Variants in LDLRAD3 observed in about 807,000 individuals in gnomAD.
The protein encoded by LDLRAD3 is low-density lipoprotein receptor class A domain-containing protein 3.
Under a neutral mutation model 29.4 loss-of-function variants are expected in LDLRAD3, and 20 were observed. The ratio of observed to expected loss-of-function variants is 0.68; its 90% CI spans 0.48 to 0.99. The LOEUF (loss-of-function observed/expected upper bound fraction) is 0.99, where lower values mean the gene tolerates loss of function less well. Ranked by LOEUF, LDLRAD3 falls within the 50% of genes least tolerant of loss-of-function variation. The probability of loss-of-function intolerance (pLI) is 0.00; values close to 1 mark genes in which losing one functional copy is unlikely to be tolerated. For synonymous variants in LDLRAD3, 157 were observed against 192.7 expected (o/e 0.81, Z 1.53); for missense variants, 420 against 454.3 (o/e 0.92, Z 0.69).
intron 2 of LDLRAD3, among the ~76,000 whole-genome samples, chr11:36,076,504 G>T (rs1045295352): frequency 6.6e-6 from 1 of 151,976 alleles, no homozygotes; most frequent in African/African-American, 2.4e-5. Flanking sequence ...CTCTGCCTCA[G>T]CCTCCTGAGT....
intron 5 of LDLRAD3, among the ~76,000 whole-genome samples, chr11:36,228,237 C>T (rs922321885): frequency 6.6e-6 from 1 of 152,180 alleles, no homozygotes; most frequent in African/African-American, 2.4e-5. Flanking sequence ...ATTGAATCTT[C>T]GTTTTCCTTC....
Position 36,227,308 on chromosome 11 carries a change from C to A in LDLRAD3, c.678C>A (p.Pro226=), listed in dbSNP as rs1224201151. Residue 226 remains proline (P), a synonymous_variant, in exon 5 of 6, where the codon CCC becomes CCA. Coordinates refer to ENST00000315571, the MANE Select transcript of LDLRAD3 (RefSeq NM_174902.4). ...CCCGCCTGGTGGTCCTGGACCACCC[C>A]CACCACTGCAACGTCACCTACAACG... ...LLSRLVVLDH[P]HHCNVTYNVN... is the part of the protein sequence containing the mutation. 1 of 1,613,918 alleles carries A rather than the reference C, an allele frequency of 6.2e-7. No homozygotes were observed. The highest frequency in any genetic ancestry group is 8.5e-7 in the Non-Finnish European group (1 of 1,179,922).
At chr11:36,035,066 C>G (rs1305481082) in intron 1 of LDLRAD3, among the ~76,000 whole-genome samples, 1 of 152,156 alleles carries the variant, frequency 6.6e-6, no homozygotes, top group Admixed American at 6.5e-5. Flanking sequence ...TAGCCTTTAT[C>G]TCTGCATCTT....
chr11:36,000,619 A>T (rs1851811707), intron 1 of LDLRAD3, among the ~76,000 whole-genome samples: 2 of 152,164 alleles, frequency 1.3e-5, no homozygotes. Flanking sequence ...GTTAAACGGT[A>T]TGTCTAGAGA....
intron 4 of LDLRAD3, among the ~76,000 whole-genome samples, chr11:36,204,703 G>A: frequency 6.6e-6 from 1 of 152,130 alleles, no homozygotes; most frequent in African/African-American, 2.4e-5. Context: ...TGGCCAGGCT[G>A]GTCTTGAACT....
chr11:36,207,101 A>T (rs1855221661), intron 4 of LDLRAD3, among the ~76,000 whole-genome samples: 1 of 151,992 alleles, frequency 6.6e-6, no homozygotes, highest in Non-Finnish European at 1.5e-5. Flanking sequence ...GTCTGCTGGA[A>T]CTGTGGTCTC....
intron 1 of LDLRAD3, 68 bp from the exon 2 acceptor site, chr11:36,036,035 T>G (rs1852299187): frequency 6.5e-7 from 1 of 1,528,232 alleles, no homozygotes; most frequent in African/African-American, 1.4e-5. Flanking sequence ...ACCACACACC[T>G]TTCAGTTGAG....
chr11:36,002,964 C>G (rs1851842231), intron 1 of LDLRAD3, among the ~76,000 whole-genome samples: 1 of 152,222 alleles, frequency 6.6e-6, no homozygotes, highest in Non-Finnish European at 1.5e-5. Context: ...AGTAACCTTG[C>G]ATGTGTTATT....
chr11:36,205,715 G>A (rs1255394829), intron 4 of LDLRAD3, among the ~76,000 whole-genome samples: 3 of 152,088 alleles, frequency 2.0e-5, no homozygotes, highest in Non-Finnish European at 4.4e-5. Flanking sequence ...TTTTCTCCTC[G>A]GAAGCCAATG....
chr11:36,158,587 C>CT (rs1211375426), intron 4 of LDLRAD3, among the ~76,000 whole-genome samples: 1 of 135,464 alleles, frequency 7.4e-6, no homozygotes, highest in African/African-American at 2.7e-5. Context: ...TACCCTATAA[C>CT]TTTTTATTAT....
intron 1 of LDLRAD3, among the ~76,000 whole-genome samples, chr11:35,988,364 G>T (rs1005067626): frequency 6.6e-6 from 1 of 152,050 alleles, no homozygotes; most frequent in African/African-American, 2.4e-5. Context: ...CTGGCTGTAT[G>T]TCTTCTTTTG....
At chr11:36,109,476 G>A (rs1590274735) in intron 4 of LDLRAD3, among the ~76,000 whole-genome samples, 1 of 152,096 alleles carries the variant, frequency 6.6e-6, no homozygotes, top group South Asian at 2.1e-4. Context: ...ATCACCATGG[G>A]GATACTAATT....
intron 1 of LDLRAD3, among the ~76,000 whole-genome samples, chr11:35,979,796 A>T (rs554998074): frequency 1.9e-4 from 29 of 152,318 alleles, no homozygotes; most frequent in Admixed American, 1.2e-3. Context: ...TACCTGGGAC[A>T]AGGTTGTTGA....
intron 4 of LDLRAD3, among the ~76,000 whole-genome samples, chr11:36,178,927 G>C (rs1854717213): frequency 6.6e-6 from 1 of 152,186 alleles, no homozygotes; most frequent in South Asian, 2.1e-4. Flanking sequence ...AGTGTCTTGA[G>C]GTCATAGAAG....
At chr11:36,142,657 C>CCGGTGCAG (rs1854103843) in intron 4 of LDLRAD3, among the ~76,000 whole-genome samples, 1 of 151,910 alleles carries the variant, frequency 6.6e-6, no homozygotes, top group Non-Finnish European at 1.5e-5. Flanking sequence ...CAGTGGTGCA[C>CCGGTGCAG]CCGGTGCAGC....
chr11:36,144,659 CACCG>C (rs1854145097), intron 4 of LDLRAD3, among the ~76,000 whole-genome samples: 1 of 73,350 alleles, frequency 1.4e-5, no homozygotes, highest in Non-Finnish European at 2.7e-5. Flanking sequence ...CCGGCAGCCA[CACCG>C]TCTGAGAAGT....
intron 2 of LDLRAD3, among the ~76,000 whole-genome samples, chr11:36,073,599 C>T (rs1025900358): frequency 2.0e-5 from 3 of 152,242 alleles, no homozygotes; most frequent in African/African-American, 4.8e-5. Context: ...TCTCTCTGCC[C>T]CTGCCAGGCA....
At chr11:36,191,795 T>A (rs893614855) in intron 4 of LDLRAD3, among the ~76,000 whole-genome samples, 2 of 151,836 alleles carry the variant, frequency 1.3e-5, no homozygotes, top group African/African-American at 4.8e-5. Flanking sequence ...AGAAAAGTGT[T>A]CAAATCATAG....
At chr11:36,041,879 GA>G (rs199622514) in intron 2 of LDLRAD3, among the ~76,000 whole-genome samples, 65,312 of 150,576 alleles carry the variant, frequency 0.43, 16,953 homozygotes, top group Admixed American at 0.62. Flanking sequence ...GTGTTTGGTT[GA>G]GGGGGGTGTG....
Sources: gnomAD v4.1 joint callset for allele counts (sites outside exome capture counted in the v4.1 genomes callset) on GRCh38, gnomAD v4.1.1 for gene constraint, MANE v1.5 for transcripts, NCBI Gene and HGNC (gene_info 2026-07-23, HGNC 2026-07-21) for gene names.